The following EIF3A variants were observed in gnomAD, a reference collection of about 807,000 sequenced individuals.
EIF3A encodes the protein eukaryotic translation initiation factor 3 subunit A.
Under a neutral mutation model 186.6 loss-of-function variants are expected in EIF3A, and 21 were observed. That is an observed-to-expected ratio of 0.11 (90% CI 0.08 to 0.16). The LOEUF (loss-of-function observed/expected upper bound fraction) is 0.16, where lower values mean the gene tolerates loss of function less well. Among genes scored for constraint, EIF3A ranks in the 10% least tolerant of loss-of-function variants. The pLI, the probability that EIF3A is intolerant of heterozygous loss-of-function variation, is 1.00. For synonymous variants in EIF3A, 563 were observed against 584.3 expected (o/e 0.96, Z 0.52); for missense variants, 1,306 against 1,796.3 (o/e 0.73, Z 4.93).
At chr10:119,060,616 T>C (rs1843869361) in intron 9 of EIF3A, 130 bp downstream of exon 9, 4 of 582,592 alleles carry the variant, frequency 6.9e-6, no homozygotes, top group South Asian at 4.7e-5. Flanking sequence ...AATTAATAAA[T>C]AGACTAATTT....
chr10:119,049,188 G>C (rs7072850), intron 17 of EIF3A, among the ~76,000 whole-genome samples: 7,472 of 152,178 alleles, frequency 0.049, 586 homozygotes, highest in African/African-American at 0.16. Context: ...GGCTGGGTGC[G>C]GTGGCTCGCG....
At chr10:119,044,719 G>A (rs1473815987) in intron 17 of EIF3A, among the ~76,000 whole-genome samples, 5 of 152,000 alleles carry the variant, frequency 3.3e-5, no homozygotes, top group African/African-American at 9.7e-5. Context: ...GTGGTGGCAG[G>A]CGCCTGTAGT....
intron 17 of EIF3A, among the ~76,000 whole-genome samples, chr10:119,045,219 A>G (rs1848268061): frequency 6.6e-6 from 1 of 152,180 alleles, no homozygotes; most frequent in Non-Finnish European, 1.5e-5. Context: ...TTCTGAGATT[A>G]TAGGTGTGAG....
At position 119,042,526 on chromosome 10, in the gene EIF3A, G is replaced by C. The variant is rs781403270; in HGVS notation, c.2994C>G (p.Pro998=). The C allele has an allele frequency of 6.2e-7, 1 of 1,614,112 alleles. No individual in the cohort carries two copies. Among genetic ancestry groups the C allele is most frequent in the East Asian group, 2.2e-5 (1 of 44,868 alleles). The part of the protein sequence containing the change: ...SWRNTDDDRP[P]RRIADEDRGN... ...CCCTGTCTTCATCGGCAATTCGTCT[G>C]GGAGGCCTGTCATCATCTGTGTTAC... The change falls in exon 19 of 22, where the codon CCC becomes CCG. Residue 998 remains proline, a synonymous_variant. Transcript: ENST00000369144. The surrounding 1 kb of genome is among the most constrained non-coding windows in gnomAD (Gnocchi z 7.8).
intron 1 of EIF3A, among the ~76,000 whole-genome samples, chr10:119,075,236 A>G (rs1844146976): frequency 6.6e-6 from 1 of 152,050 alleles, no homozygotes; most frequent in South Asian, 2.1e-4. Flanking sequence ...CTGGGATTAC[A>G]GGCATGGGTC....
intron 6 of EIF3A, among the ~76,000 whole-genome samples, chr10:119,069,122 C>T (rs764132184): frequency 6.6e-6 from 1 of 152,142 alleles, no homozygotes; most frequent in Admixed American, 6.5e-5. Context: ...GGGCTTTTAG[C>T]GGAGTTACTT....
In EIF3A at chr10:119,059,692, C is replaced by T. The variant is rs61729177; in HGVS notation, c.1353G>A (p.Glu451=). Residue 451 remains glutamate (E), a synonymous_variant, in exon 10 of 22, where the codon GAG becomes GAA. Coordinates refer to ENST00000369144, the MANE Select transcript of EIF3A (RefSeq NM_003750.4). ...GAACCAAAGAAGTCAAACGAGAAAA[C>T]TCAATGCTCTGATAAATCTGTGACA... ...QQVSQIYQSI[E]FSRLTSLVPF... 14 of 1,613,914 alleles carry T rather than the reference C, an allele frequency of 8.7e-6. No homozygotes were observed. Among genetic ancestry groups the T allele is most frequent in the African/African-American group, 1.3e-5 (1 of 75,028 alleles).
intron 18 of EIF3A, among the ~76,000 whole-genome samples, chr10:119,043,263 G>A (rs920022683): frequency 2.0e-5 from 3 of 152,062 alleles, no homozygotes; most frequent in African/African-American, 7.2e-5. Flanking sequence ...TACTAAAAAT[G>A]CAAAAATTAG....
At chr10:119,070,105 G>A (rs1844048465) in intron 5 of EIF3A, among the ~76,000 whole-genome samples, 1 of 151,512 alleles carries the variant, frequency 6.6e-6, no homozygotes, top group African/African-American at 2.5e-5. Flanking sequence ...ACATGGGCAA[G>A]AACAAGACAT....
intron 6 of EIF3A, among the ~76,000 whole-genome samples, chr10:119,069,193 G>A (rs1005544967): frequency 8.5e-5 from 6 of 70,344 alleles, no homozygotes; most frequent in East Asian, 9.1e-4. Context: ...GTTCAGGAAG[G>A]GCAATGTCTT....
chr10:119,063,542 G>A (rs533054442), intron 7 of EIF3A, among the ~76,000 whole-genome samples: 1 of 152,216 alleles, frequency 6.6e-6, no homozygotes, highest in East Asian at 1.9e-4. Flanking sequence ...ATGAATTAGG[G>A]ACTGTTAATG....
intron 19 of EIF3A, among the ~76,000 whole-genome samples, chr10:119,039,120 T>C (rs1385537195): frequency 1.3e-5 from 2 of 152,170 alleles, no homozygotes; most frequent in East Asian, 1.9e-4. Context: ...AGTCCCAATT[T>C]TGAGGTATTT....
chr10:119,037,437 C>A (rs1589683319), intron 20 of EIF3A, 128 bp from the exon 21 acceptor site: 1 of 781,012 alleles, frequency 1.3e-6, no homozygotes, highest in Non-Finnish European at 2.0e-6. Flanking sequence ...CATAACCTGA[C>A]CTTACCTGAT....
At chr10:119,046,477 T>C (rs1185636987) in intron 17 of EIF3A, among the ~76,000 whole-genome samples, 1 of 152,142 alleles carries the variant, frequency 6.6e-6, no homozygotes, top group African/African-American at 2.4e-5. Flanking sequence ...CTAATATGGA[T>C]GGAAAACTTA....
chr10:119,060,298 A>ATAGC (rs1319560765), intron 9 of EIF3A, among the ~76,000 whole-genome samples: 1 of 152,248 alleles, frequency 6.6e-6, no homozygotes, highest in Non-Finnish European at 1.5e-5. Flanking sequence ...AGGCTTCTGA[A>ATAGC]TAGCTATTAA....
intron 14 of EIF3A, among the ~76,000 whole-genome samples, chr10:119,055,459 G>A (rs1393163120): frequency 6.6e-6 from 1 of 152,194 alleles, no homozygotes; most frequent in African/African-American, 2.4e-5. Flanking sequence ...TTACCAAAAT[G>A]TGACAGAGAC....
In EIF3A at chr10:119,056,746, T is replaced by G; in HGVS notation, c.2190A>C (p.Glu730Asp). The G allele has an allele frequency of 6.3e-7, 1 of 1,590,964 alleles. No homozygotes were observed. Among genetic ancestry groups the G allele is most frequent in the East Asian group, 2.2e-5 (1 of 44,732 alleles). The change falls in exon 14 of 22, where the codon GAA (glutamate) becomes GAC (aspartate). Residue 730 changes from glutamate (E) to aspartate (D), a missense_variant. By Grantham distance (45) the Glu-to-Asp change is conservative. Coordinates refer to ENST00000369144, the MANE Select transcript of EIF3A (RefSeq NM_003750.4). ...AATTAAATAAAAAACTTACTCTTTC[T>G]TCCTCTTGTTGCTCCCACAGATCCA... is the stretch of plus-strand genomic sequence containing the variant. ...KDMDLWEQQE[E>D]ERITTMQLER...
intron 18 of EIF3A, among the ~76,000 whole-genome samples, chr10:119,043,225 C>G (rs1343993855): frequency 1.3e-5 from 2 of 152,088 alleles, no homozygotes; most frequent in Non-Finnish European, 2.9e-5. Context: ...TCAAGACCAG[C>G]CTGGCCAACA....
intron 1 of EIF3A, among the ~76,000 whole-genome samples, chr10:119,075,640 CTATATATATACATATA>C (rs1181808830): frequency 6.7e-5 from 3 of 44,726 alleles, no homozygotes; most frequent in Admixed American, 3.7e-4. Flanking sequence ...GCTTAAAACA[CTATATATATACATATA>C]TATATATATA....
Sources: gnomAD v4.1 joint callset for allele counts (sites outside exome capture counted in the v4.1 genomes callset) on GRCh38, gnomAD v4.1.1 for gene constraint, Gnocchi (gnomAD v3.1) non-coding constraint, MANE v1.5 for transcripts, NCBI Gene and HGNC (gene_info 2026-07-23, HGNC 2026-07-21) for gene names.